Variants in SDK1 observed in about 807,000 individuals in gnomAD.
SDK1 encodes sidekick cell adhesion molecule 1, also known as protein sidekick-1.
In SDK1, 157 loss-of-function variants were observed where a neutral mutation model predicts 245.5. That is an observed-to-expected ratio of 0.64 (90% CI 0.56 to 0.73). The LOEUF (loss-of-function observed/expected upper bound fraction) is 0.73. Among genes scored for constraint, SDK1 ranks in the 30% least tolerant of loss-of-function variants. The pLI is 0.00. For synonymous variants in SDK1, 1,647 were observed against 1,278.5 expected (o/e 1.29, Z -6.15); for missense variants, 3,583 against 3,002.3 (o/e 1.19, Z -4.52).
chr7:3,973,056 T>A (rs1487905931), intron 12 of SDK1, among the ~76,000 whole-genome samples: 1 of 152,068 alleles, frequency 6.6e-6, no homozygotes, highest in Non-Finnish European at 1.5e-5. Context: ...ATCCCTGTGG[T>A]TTCGTAGTAG....
chr7:3,694,566 A>G lies in SDK1; in HGVS notation c.713+52461A>G, dbSNP rs78476986. On this transcript the variant is annotated intron_variant, in intron 4 of 44. Coordinates refer to ENST00000404826, the MANE Select transcript of SDK1 (RefSeq NM_152744.4). ...ACTTACATTGGTCTGGAAAGAATGT[A>G]TTTATGTTGGTGGGGGGGGAAAAGC... Among the ~76,000 whole-genome samples, 646 of 76,496 alleles carry G rather than the reference A, an allele frequency of 8.4e-3. 2 individuals are homozygous for G. The highest frequency in any genetic ancestry group is 0.029 in the African/African-American group (591 of 20,730). 50.2% of individuals were successfully genotyped at this position (76,496 alleles called of 152,430 possible).
intron 1 of SDK1, among the ~76,000 whole-genome samples, chr7:3,493,569 G>T (rs1401600212): frequency 6.6e-6 from 1 of 152,180 alleles, no homozygotes; most frequent in Non-Finnish European, 1.5e-5. Context: ...ATCAAGAAAT[G>T]TGACTTTCTT....
chr7:3,732,412 G>A (rs953715039), intron 4 of SDK1, among the ~76,000 whole-genome samples: 1 of 152,190 alleles, frequency 6.6e-6, no homozygotes, highest in African/African-American at 2.4e-5. Flanking sequence ...AAAGATAGAG[G>A]AAGATTTTTT....
intron 14 of SDK1, among the ~76,000 whole-genome samples, chr7:4,006,852 C>G (rs1452533844): frequency 6.6e-6 from 1 of 152,214 alleles, no homozygotes; most frequent in Non-Finnish European, 1.5e-5. Context: ...CTTTCAGGAG[C>G]TGTTTACACT....
intron 4 of SDK1, among the ~76,000 whole-genome samples, chr7:3,688,224 T>C (rs1295142258): frequency 6.6e-6 from 1 of 152,202 alleles, no homozygotes; most frequent in East Asian, 1.9e-4. Flanking sequence ...TTAGGAGTGT[T>C]ACAAGCCTGT....
chr7:3,364,364 G>C (rs1210593612), intron 1 of SDK1, among the ~76,000 whole-genome samples: 1 of 152,092 alleles, frequency 6.6e-6, no homozygotes, highest in African/African-American at 2.4e-5. Context: ...GCCTAGACTT[G>C]GATCCTGAAA....
chr7:3,776,028 C>A (rs1464627142), intron 4 of SDK1, among the ~76,000 whole-genome samples: 12 of 152,214 alleles, frequency 7.9e-5, no homozygotes, highest in Non-Finnish European at 2.9e-5. Context: ...TATTTCCCAC[C>A]CTGCATTGTC....
intron 5 of SDK1, among the ~76,000 whole-genome samples, chr7:3,843,022 TC>T (rs1379538442): frequency 6.6e-6 from 1 of 152,088 alleles, no homozygotes; most frequent in Non-Finnish European, 1.5e-5. Context: ...CGCCCGTCAG[TC>T]CGTCTGGACT....
intron 4 of SDK1, among the ~76,000 whole-genome samples, chr7:3,655,922 C>T (rs1192052877): frequency 6.6e-6 from 1 of 152,074 alleles, no homozygotes; most frequent in Non-Finnish European, 1.5e-5. Context: ...GGCCACCTCA[C>T]CAGTGTCTGG....
rs527667537 is a variant in SDK1, at chr7:3,872,092, A to G, written c.847+50509A>G. On this transcript the variant is annotated intron_variant, in intron 5 of 44. Coordinates refer to ENST00000404826, the MANE Select transcript of SDK1 (RefSeq NM_152744.4). ...CTTATTTAGTCTGTTAATTTGGTGA[A>G]TTGCATAGATTGGTGAACTTACCTT... Among the ~76,000 whole-genome samples, 8 of 152,282 alleles carry G rather than the reference A, an allele frequency of 5.3e-5. No individual in the cohort carries two copies. In the South Asian group the frequency reaches 8.3e-4, roughly 16 times the overall value.
chr7:4,129,540 G>T (rs1784648490), intron 26 of SDK1: 2 of 537,152 alleles, frequency 3.7e-6, no homozygotes, highest in Admixed American at 4.9e-5. Context: ...GGAAAACCCA[G>T]GGGGCTGCTG....
intron 35 of SDK1, among the ~76,000 whole-genome samples, chr7:4,184,865 C>T (rs1237256089): frequency 6.6e-6 from 1 of 152,210 alleles, no homozygotes; most frequent in African/African-American, 2.4e-5. Context: ...CAGCAAGCTG[C>T]TCCATGTGGC....
intron 38 of SDK1, among the ~76,000 whole-genome samples, chr7:4,210,851 G>C (rs1292097675): frequency 1.3e-5 from 2 of 152,226 alleles, no homozygotes; most frequent in Non-Finnish European, 2.9e-5. Context: ...GCCCGAGCGT[G>C]ATCAGTGCTT....
chr7:3,903,276 TGGGACTACA>T (rs1306565629), intron 5 of SDK1, among the ~76,000 whole-genome samples: 2 of 151,946 alleles, frequency 1.3e-5, no homozygotes, highest in Non-Finnish European at 2.9e-5. Flanking sequence ...CCCGAGTAGC[TGGGACTACA>T]GGTGCCCGCC....
chr7:3,940,564 C>T (rs960651077), intron 5 of SDK1, among the ~76,000 whole-genome samples: 1 of 152,094 alleles, frequency 6.6e-6, no homozygotes, highest in Admixed American at 6.5e-5. Context: ...CAGTGCTGAC[C>T]GGGTGTGGTG....
chr7:3,971,431 C>G, intron 11 of SDK1, 35 bp from the exon 12 acceptor site: 1 of 1,467,878 alleles, frequency 6.8e-7, no homozygotes, highest in Non-Finnish European at 9.5e-7. Flanking sequence ...TCAAACTTGT[C>G]ATTTCGTCTG....
intron 1 of SDK1, among the ~76,000 whole-genome samples, chr7:3,365,877 A>G (rs1212108558): frequency 6.6e-6 from 1 of 152,060 alleles, no homozygotes; most frequent in Non-Finnish European, 1.5e-5. Context: ...TCTCTACTAA[A>G]AATACAAAAA....
intron 5 of SDK1, among the ~76,000 whole-genome samples, chr7:3,891,954 A>G (rs1781470541): frequency 6.6e-6 from 1 of 152,202 alleles, no homozygotes; most frequent in Non-Finnish European, 1.5e-5. Flanking sequence ...AAGGCATTCT[A>G]TAACACCAGT....
At chr7:3,974,197 AAAAG>A (rs1468462933) in intron 12 of SDK1, among the ~76,000 whole-genome samples, 168 bp from the exon 13 acceptor site, 5 of 151,632 alleles carry the variant, frequency 3.3e-5, no homozygotes, top group East Asian at 1.9e-4. Flanking sequence ...AAAAAAAAAA[AAAAG>A]AAAGAAAGAA....
Sources: allele counts gnomAD v4.1 joint callset (sites outside exome capture counted in the v4.1 genomes callset), GRCh38; gene constraint gnomAD v4.1.1; transcripts MANE v1.5; gene names NCBI Gene and HGNC (gene_info 2026-07-23, HGNC 2026-07-21).